The following BABAM2 variants were observed in gnomAD, a reference collection of about 807,000 sequenced individuals.
BABAM2 encodes the protein BRISC and BRCA1 A complex member 2, also known as BRISC and BRCA1-A complex member 2.
BABAM2 carries 31 observed loss-of-function variants against 54.7 expected under a neutral mutation model. That is an observed-to-expected ratio of 0.57 (90% CI 0.43 to 0.77). BABAM2 has a LOEUF of 0.77. BABAM2 is among the 30% of genes least tolerant of loss of function. The pLI, the probability that BABAM2 is intolerant of heterozygous loss-of-function variation, is 0.00. For synonymous variants in BABAM2, 167 were observed against 162.9 expected (o/e 1.03, Z -0.19); for missense variants, 364 against 455.8 (o/e 0.80, Z 1.83).
intron 3 of BABAM2, among the ~76,000 whole-genome samples, chr2:27,987,416 C>A (rs975062486): frequency 6.6e-6 from 1 of 152,160 alleles, no homozygotes. Context: ...ATAATCAGTA[C>A]ATATTTTGGA....
intron 4 of BABAM2, chr2:28,016,001 A>G (rs1674782420): frequency 3.3e-6 from 2 of 601,880 alleles, no homozygotes; most frequent in Non-Finnish European, 6.0e-6. Flanking sequence ...GCATCTTTTG[A>G]CTTCTTTTTC....
At chr2:28,035,464 G>C (rs1009659812) in intron 5 of BABAM2, among the ~76,000 whole-genome samples, 2 of 152,102 alleles carry the variant, frequency 1.3e-5, no homozygotes, top group Non-Finnish European at 2.9e-5. Context: ...CTGCTTGGGA[G>C]TTATGTCCTG....
chr2:28,066,882 T>C (rs1663634989), intron 6 of BABAM2, among the ~76,000 whole-genome samples: 1 of 152,240 alleles, frequency 6.6e-6, no homozygotes, highest in Non-Finnish European at 1.5e-5. Context: ...TAAAGGGAAT[T>C]ATCTCCACCG....
At chr2:28,116,791 T>A (rs1054757861) in intron 6 of BABAM2, among the ~76,000 whole-genome samples, 3 of 152,234 alleles carry the variant, frequency 2.0e-5, no homozygotes, top group Admixed American at 1.3e-4. Flanking sequence ...CACTTCCACG[T>A]ACATTTGCAA....
At chr2:27,993,470 A>C (rs1672917927) in intron 4 of BABAM2, among the ~76,000 whole-genome samples, 1 of 152,128 alleles carries the variant, frequency 6.6e-6, no homozygotes, top group Non-Finnish European at 1.5e-5. Flanking sequence ...TGAAACTATG[A>C]TTTTCAGCCT....
chr2:28,213,370 C>T (rs143468982), intron 7 of BABAM2, among the ~76,000 whole-genome samples: 1,536 of 152,180 alleles, frequency 0.01, 15 homozygotes, highest in Middle Eastern at 0.048. Flanking sequence ...CGGTAGTTTG[C>T]ATAAGAAATA....
At chr2:27,953,619 T>C (rs974917874) in intron 3 of BABAM2, among the ~76,000 whole-genome samples, 1 of 151,942 alleles carries the variant, frequency 6.6e-6, no homozygotes, top group Non-Finnish European at 1.5e-5. Flanking sequence ...ACCATCTACA[T>C]TAATATCATT....
chr2:28,241,419 A>G, intron 9 of BABAM2, 26 bp downstream of exon 9: 8 of 1,603,286 alleles, frequency 5.0e-6, no homozygotes, highest in Non-Finnish European at 6.8e-6. Flanking sequence ...TTTGAACGAT[A>G]TACCGGTGAT....
chr2:28,026,849 T>TATTTATATATATATAGATATATAG, intron 5 of BABAM2, among the ~76,000 whole-genome samples: 1 of 43,932 alleles, frequency 2.3e-5, no homozygotes, highest in South Asian at 8.0e-4. Context: ...TATAAATATA[T>TATTTATATATATATAGATATATAG]ATTTATATAT....
intron 6 of BABAM2, among the ~76,000 whole-genome samples, chr2:28,095,509 G>A (rs919951823): frequency 2.6e-5 from 4 of 152,110 alleles, no homozygotes; most frequent in Non-Finnish European, 5.9e-5. Context: ...GACAAGCGAA[G>A]CCTTCTATTC....
At chr2:28,080,573 G>A (rs1665075101) in intron 6 of BABAM2, among the ~76,000 whole-genome samples, 5 of 152,118 alleles carry the variant, frequency 3.3e-5, no homozygotes, top group African/African-American at 1.2e-4. Flanking sequence ...TTTGGTGATG[G>A]CTGTTGAACA....
chr2:27,994,080 G>A (rs746553552), intron 4 of BABAM2, among the ~76,000 whole-genome samples: 4 of 152,042 alleles, frequency 2.6e-5, no homozygotes. Flanking sequence ...TCTCCATTTG[G>A]TGCCTCATTT....
chr2:28,137,887 C>T (rs1670687353), intron 7 of BABAM2, among the ~76,000 whole-genome samples: 1 of 152,126 alleles, frequency 6.6e-6, no homozygotes, highest in African/African-American at 2.4e-5. Context: ...TGCTATACTC[C>T]TCTCTACAGC....
At chr2:27,958,961 C>T (rs1670281497) in intron 3 of BABAM2, among the ~76,000 whole-genome samples, 1 of 152,172 alleles carries the variant, frequency 6.6e-6, no homozygotes, top group African/African-American at 2.4e-5. Context: ...AACCCAAAGC[C>T]ACTTGTAGTT....
At chr2:28,061,785 T>A (rs72814403) in intron 6 of BABAM2, among the ~76,000 whole-genome samples, 10,418 of 151,500 alleles carry the variant, frequency 0.069, 545 homozygotes, top group African/African-American at 0.15. Flanking sequence ...TTTTTTTTTT[T>A]AAAAACCTGT....
intron 4 of BABAM2, among the ~76,000 whole-genome samples, chr2:27,994,360 T>TC (rs1319414149): frequency 1.3e-5 from 2 of 152,206 alleles, no homozygotes; most frequent in Non-Finnish European, 2.9e-5. Context: ...AGTGTATAAA[T>TC]CACGTGTATA....
intron 2 of BABAM2, among the ~76,000 whole-genome samples, chr2:27,909,547 C>T (rs972721383): frequency 6.6e-5 from 10 of 152,110 alleles, no homozygotes; most frequent in Non-Finnish European, 1.0e-4. Context: ...TCTTTTAATG[C>T]GCAAAAGTTT....
intron 10 of BABAM2, among the ~76,000 whole-genome samples, chr2:28,274,382 A>AT (rs1685695599): frequency 6.6e-6 from 1 of 152,212 alleles, no homozygotes; most frequent in Non-Finnish European, 1.5e-5. Flanking sequence ...TTGCTTCATT[A>AT]TTCTGCTTAA....
intron 2 of BABAM2, among the ~76,000 whole-genome samples, chr2:27,917,171 C>G (rs1464288044): frequency 6.6e-6 from 1 of 151,960 alleles, no homozygotes; most frequent in Non-Finnish European, 1.5e-5. Context: ...GCACGTGCCA[C>G]CACGCGCAGC....
Sources: allele counts gnomAD v4.1 joint callset (sites outside exome capture counted in the v4.1 genomes callset), GRCh38; gene constraint gnomAD v4.1.1; transcripts MANE v1.5; gene names NCBI Gene and HGNC (gene_info 2026-07-23, HGNC 2026-07-21).